GALNTL6: variants seen among roughly 807,000 people sequenced by gnomAD.
The protein encoded by GALNTL6 is polypeptide N-acetylgalactosaminyltransferase-like 6.
A neutral mutation model predicts 73.7 loss-of-function variants in GALNTL6; 46 were observed. That is an observed-to-expected ratio of 0.62 (90% CI 0.49 to 0.80). GALNTL6 has a LOEUF of 0.80. Ranked by LOEUF, GALNTL6 falls within the 30% of genes least tolerant of loss-of-function variation. The pLI, the probability that GALNTL6 is intolerant of heterozygous loss-of-function variation, is 0.00. For missense variants in GALNTL6, 604 were observed against 755.0 expected, an observed-to-expected ratio of 0.80 and a Z score of 2.34; for synonymous variants, 259 against 263.7, an observed-to-expected ratio of 0.98 and a Z score of 0.17.
chr4:172,680,002 A>G (rs1405240371), intron 5 of GALNTL6, among the ~76,000 whole-genome samples: 2 of 151,856 alleles, frequency 1.3e-5, no homozygotes, highest in African/African-American at 4.8e-5. Context: ...ACCTAATTCT[A>G]TTGTCACTTT....
At chr4:172,005,023 T>A (rs564912885) in intron 2 of GALNTL6, among the ~76,000 whole-genome samples, 33 of 152,306 alleles carry the variant, frequency 2.2e-4, no homozygotes, top group African/African-American at 7.7e-4. Context: ...TGTGCCTTGT[T>A]ACGTGATATG....
At chr4:171,815,059 T>A in intron 2 of GALNTL6, 1 of 410,124 alleles carries the variant, frequency 2.4e-6, no homozygotes, top group East Asian at 3.7e-5. Flanking sequence ...GCAAGTTTAA[T>A]GACAAGGATA....
intron 5 of GALNTL6, among the ~76,000 whole-genome samples, chr4:172,571,860 C>CTAACTACATCATTTGACTA (rs1736774432): frequency 6.6e-6 from 1 of 152,156 alleles, no homozygotes; most frequent in Non-Finnish European, 1.5e-5. Context: ...TAGCCTCAGA[C>CTAACTACATCATTTGACTA]ACCGTTTTCT....
intron 7 of GALNTL6, among the ~76,000 whole-genome samples, chr4:172,862,823 C>G (rs1380187369): frequency 1.3e-5 from 2 of 152,216 alleles, no homozygotes; most frequent in East Asian, 3.8e-4. Context: ...AAAATGTCTC[C>G]AGGGCATGTC....
chr4:171,837,049 T>C (rs1005940941), intron 2 of GALNTL6, among the ~76,000 whole-genome samples: 4 of 152,152 alleles, frequency 2.6e-5, no homozygotes, highest in Admixed American at 2.0e-4. Flanking sequence ...CAAGGAGGAA[T>C]ATTGGCAGAC....
At chr4:173,000,824 C>T (rs1364225587) in intron 10 of GALNTL6, among the ~76,000 whole-genome samples, 3 of 152,134 alleles carry the variant, frequency 2.0e-5, no homozygotes, top group Non-Finnish European at 4.4e-5. Flanking sequence ...GTCTGTTCAA[C>T]AAATGGTGCT....
chr4:171,954,388 T>C (rs1289576973), intron 2 of GALNTL6, among the ~76,000 whole-genome samples: 2 of 152,182 alleles, frequency 1.3e-5, no homozygotes, highest in African/African-American at 4.8e-5. Flanking sequence ...AGGACTAGCT[T>C]GTGTTGTATA....
At chr4:172,218,199 C>T (rs1736555657) in intron 2 of GALNTL6, among the ~76,000 whole-genome samples, 1 of 152,110 alleles carries the variant, frequency 6.6e-6, no homozygotes, top group African/African-American at 2.4e-5. Context: ...TTAGGTGAGA[C>T]AGATAAGCTA....
chr4:171,878,413 T>C (rs1442281615), intron 2 of GALNTL6, among the ~76,000 whole-genome samples: 1 of 152,222 alleles, frequency 6.6e-6, no homozygotes, highest in Non-Finnish European at 1.5e-5. Context: ...TAAAATCAGT[T>C]AGCAATTTCT....
At chr4:172,502,583 G>A (rs1734298034) in intron 5 of GALNTL6, among the ~76,000 whole-genome samples, 1 of 152,092 alleles carries the variant, frequency 6.6e-6, no homozygotes, top group Non-Finnish European at 1.5e-5. Context: ...CTACCCCAAA[G>A]CATCATTAAT....
intron 5 of GALNTL6, among the ~76,000 whole-genome samples, chr4:172,498,985 C>A (rs1447571152): frequency 6.6e-6 from 1 of 152,164 alleles, no homozygotes; most frequent in African/African-American, 2.4e-5. Flanking sequence ...CTTAGTCTGG[C>A]ATAAATAAGA....
chr4:172,996,887 G>A (rs757019160), intron 10 of GALNTL6, among the ~76,000 whole-genome samples: 1 of 151,990 alleles, frequency 6.6e-6, no homozygotes, highest in Non-Finnish European at 1.5e-5. Flanking sequence ...AGAGCCTCTT[G>A]CAAAGGTTAG....
chr4:172,239,498 T>C lies in GALNTL6; in HGVS notation c.247+9734T>C, dbSNP rs1484949002. On this transcript the variant is annotated intron_variant, in intron 3 of 12. Coordinates refer to ENST00000506823, the MANE Select transcript of GALNTL6 (RefSeq NM_001034845.3). Reference sequence around the variant, plus strand: ...ATTCTCTTTTTTTCTTTATTGATCTTGCTAGTGGTCTATCTTATTTATTCT... The same window carrying C: ...ATTCTCTTTTTTTCTTTATTGATCTCGCTAGTGGTCTATCTTATTTATTCT... Among the ~76,000 whole-genome samples the C allele has an allele frequency of 3.9e-5, 6 of 152,308 alleles. No individual in the cohort carries two copies. The East Asian group carries it at 1.2e-3, about 29-fold the overall frequency.
intron 5 of GALNTL6, among the ~76,000 whole-genome samples, chr4:172,513,079 G>A (rs958218945): frequency 3.9e-5 from 6 of 151,912 alleles, no homozygotes; most frequent in South Asian, 2.1e-4. Flanking sequence ...CTTCTTTCTC[G>A]GGCATAGCAA....
At chr4:171,857,093 C>T (rs902860335) in intron 2 of GALNTL6, among the ~76,000 whole-genome samples, 3 of 151,996 alleles carry the variant, frequency 2.0e-5, no homozygotes, top group Admixed American at 6.6e-5. Context: ...AGTAGAGGTA[C>T]ATTGCATATT....
At chr4:172,925,404 CAG>C (rs1748011368) in intron 8 of GALNTL6, among the ~76,000 whole-genome samples, 2 of 152,142 alleles carry the variant, frequency 1.3e-5, no homozygotes, top group South Asian at 4.1e-4. Flanking sequence ...ATGGTAGTAA[CAG>C]AACTCTAAGA....
At chr4:172,445,680 A>G (rs1731993502) in intron 5 of GALNTL6, among the ~76,000 whole-genome samples, 1 of 152,104 alleles carries the variant, frequency 6.6e-6, no homozygotes, top group South Asian at 2.1e-4. Flanking sequence ...CTTTCTCTTC[A>G]CCTATGTAAA....
chr4:172,864,101 C>T (rs190695699), intron 7 of GALNTL6, among the ~76,000 whole-genome samples: 1 of 152,246 alleles, frequency 6.6e-6, no homozygotes, highest in African/African-American at 2.4e-5. Flanking sequence ...TGTGAGGCCT[C>T]CCCAGCCATG....
intron 5 of GALNTL6, among the ~76,000 whole-genome samples, chr4:172,671,489 A>T (rs1481039981): frequency 6.6e-6 from 1 of 152,164 alleles, no homozygotes; most frequent in Non-Finnish European, 1.5e-5. Context: ...AGGAATGCCA[A>T]TAATTTTTGC....
Sources: allele counts gnomAD v4.1 joint callset (sites outside exome capture counted in the v4.1 genomes callset), GRCh38; gene constraint gnomAD v4.1.1; transcripts MANE v1.5; gene names NCBI Gene and HGNC (gene_info 2026-07-23, HGNC 2026-07-21).